DEFB119: variants seen among roughly 807,000 people sequenced by gnomAD.
The protein encoded by DEFB119 is defensin beta 119.
A neutral mutation model predicts 2.5 loss-of-function variants in DEFB119; 3 were observed. That is an observed-to-expected ratio of 1.19 (90% CI 0.54 to 3.07). The LOEUF (loss-of-function observed/expected upper bound fraction) is 3.07. DEFB119 is among the 30% of genes most tolerant of loss of function. The pLI is 0.03. For synonymous variants in DEFB119, 29 were observed against 33.7 expected (o/e 0.86, Z 0.48); for missense variants, 113 against 101.1 (o/e 1.12, Z -0.50).
At position 31,390,507 on chromosome 20, in the gene DEFB119, G is replaced by A. The variant is rs772324238; in HGVS notation, c.-24C>T. On this transcript the variant is annotated 5_prime_UTR_variant, in exon 1 of 2. Coordinates refer to ENST00000376321, the MANE Select transcript of DEFB119 (RefSeq NM_153289.4). ...ATGGCTGGCAGACCTGAGAGGAGGA[G>A]GTGGCTGAGCTGCAGGGGAAGGAAA... 160 of 1,611,806 alleles carry A rather than the reference G, an allele frequency of 9.9e-5. No homozygotes were observed. Among genetic ancestry groups the A allele is most frequent in the Non-Finnish European group, 1.3e-4 (159 of 1,179,234 alleles).
At chr20:31,379,873 G>C (rs1396142509) in intron 1 of DEFB119, among the ~76,000 whole-genome samples, 3 of 152,054 alleles carry the variant, frequency 2.0e-5, no homozygotes, top group Non-Finnish European at 4.4e-5. Context: ...CACCATGTTA[G>C]CCAGGATAGC....
At chr20:31,386,500 G>A (rs932330847) in intron 1 of DEFB119, among the ~76,000 whole-genome samples, 10 of 152,180 alleles carry the variant, frequency 6.6e-5, no homozygotes, top group Admixed American at 5.9e-4. Context: ...AAAGCATGAA[G>A]TTCTGTCATT....
intron 1 of DEFB119, among the ~76,000 whole-genome samples, chr20:31,387,750 G>T (rs1256898953): frequency 6.6e-6 from 1 of 152,160 alleles, no homozygotes; most frequent in Non-Finnish European, 1.5e-5. Flanking sequence ...CAGGCACAAG[G>T]TTTCTCTGGG....
At chr20:31,385,683 A>G (rs1010205686) in intron 1 of DEFB119, among the ~76,000 whole-genome samples, 1 of 152,144 alleles carries the variant, frequency 6.6e-6, no homozygotes, top group Admixed American at 6.6e-5. Context: ...ACTGGGCAAC[A>G]TAGTAAGACC....
At position 31,377,361 on chromosome 20, in the gene DEFB119, A is replaced by C. The variant is rs760492914; in HGVS notation, c.140T>G (p.Leu47Arg). Residue 47 changes from leucine to arginine, a missense_variant, in exon 2 of 2, where the codon CTC becomes CGC. Leu to Arg is a moderately radical substitution (Grantham distance 102). Coordinates refer to ENST00000376321, the MANE Select transcript of DEFB119 (RefSeq NM_153289.4). ...GCAGGACTGACAATTTCTGCAATAG[A>C]GGTAGGGCTGTTCGTTCTTTTTGCA... ...ASCKKNEQPY[L>R]YCRNCQSCCL... 5.6e-6 allele frequency: 9 copies of C among 1,614,064 alleles called. No individual in the cohort carries two copies. The highest frequency in any genetic ancestry group is 6.8e-6 in the Non-Finnish European group (8 of 1,180,034).
chr20:31,389,025 C>G, intron 1 of DEFB119: 1 of 1,613,706 alleles, frequency 6.2e-7, no homozygotes, highest in Non-Finnish European at 8.5e-7. Flanking sequence ...AAAGTCATTT[C>G]TATCTATTAG....
rs1044644850 is a variant in DEFB119, at chr20:31,390,338, T to TC, written c.61+84dup. On this transcript the variant is annotated intron_variant, in intron 1 of 1. Coordinates refer to ENST00000376321, the MANE Select transcript of DEFB119 (RefSeq NM_153289.4). ...AAGCTGCAGGAGAGAAGGAAAGGCT[T>TC]CAGATGATGCCCACAGTGAGAGGGA... The TC allele has an allele frequency of 3.1e-6, 4 of 1,286,678 alleles. No individual in the cohort carries two copies. In the Admixed American group the frequency reaches 7.3e-5, roughly 24 times the overall value. The allele number at this position is 1,286,678 out of a possible 1,614,324, so 79.7% of individuals were successfully genotyped here.
chr20:31,388,372 C>T, intron 1 of DEFB119: 7 of 933,104 alleles, frequency 7.5e-6, no homozygotes, highest in Non-Finnish European at 9.0e-6. Flanking sequence ...GAAATAGATT[C>T]TACAATTACT....
intron 1 of DEFB119, among the ~76,000 whole-genome samples, chr20:31,383,517 G>A (rs1986575516): frequency 8.8e-6 from 1 of 113,892 alleles, no homozygotes; most frequent in South Asian, 3.4e-4. Flanking sequence ...CTGGGCAACA[G>A]AACAAGACTC....
chr20:31,389,468 C>T (rs895828362), intron 1 of DEFB119, among the ~76,000 whole-genome samples: 11 of 152,042 alleles, frequency 7.2e-5, no homozygotes, highest in South Asian at 4.2e-4. Flanking sequence ...GACTTCTCAC[C>T]CTTCTGTCTT....
intron 1 of DEFB119, among the ~76,000 whole-genome samples, chr20:31,387,082 C>T (rs563118163): frequency 1.8e-4 from 27 of 152,162 alleles, no homozygotes; most frequent in Middle Eastern, 3.4e-3. Context: ...GCTGGGATTA[C>T]GGGGGTGAGC....
intron 1 of DEFB119, chr20:31,389,250 C>T: frequency 1.9e-6 from 3 of 1,613,790 alleles, no homozygotes; most frequent in Non-Finnish European, 2.5e-6. Flanking sequence ...ATATGAACAA[C>T]AATTAAGCAG....
intron 1 of DEFB119, among the ~76,000 whole-genome samples, chr20:31,381,803 A>C (rs759589591): frequency 1.3e-5 from 2 of 149,002 alleles, no homozygotes; most frequent in Non-Finnish European, 2.9e-5. Flanking sequence ...AGAGCCAGAC[A>C]CTGTCTCAAA....
chr20:31,388,943 C>A, intron 1 of DEFB119: 2 of 1,530,280 alleles, frequency 1.3e-6, no homozygotes, highest in Non-Finnish European at 1.8e-6. Flanking sequence ...AAGTATCATT[C>A]CTTATGATTG....
chr20:31,378,039 C>T (rs6058918), intron 1 of DEFB119, among the ~76,000 whole-genome samples: 113,992 of 152,064 alleles, frequency 0.75, 43,479 homozygotes, highest in Non-Finnish European at 0.83. Context: ...GAGTGGAACC[C>T]AAGTGGGGAG....
intron 1 of DEFB119, among the ~76,000 whole-genome samples, chr20:31,379,897 C>T (rs1986445993): frequency 2.6e-5 from 4 of 152,108 alleles, no homozygotes; most frequent in Admixed American, 1.3e-4. Flanking sequence ...GATTTCCTGA[C>T]CTCGTGATCT....
chr20:31,379,501 C>CT (rs10714744), intron 1 of DEFB119, among the ~76,000 whole-genome samples: 12,840 of 148,790 alleles, frequency 0.086, 1,227 homozygotes, highest in African/African-American at 0.24. Flanking sequence ...ACTGTTGAGT[C>CT]TTTTTTTTTT....
chr20:31,380,837 A>G (rs1393315127), intron 1 of DEFB119, among the ~76,000 whole-genome samples: 1 of 152,160 alleles, frequency 6.6e-6, no homozygotes. Flanking sequence ...CTATATAATA[A>G]GTCTTAAAAT....
intron 1 of DEFB119, among the ~76,000 whole-genome samples, chr20:31,385,264 GT>G (rs2122305016): frequency 6.7e-6 from 1 of 149,792 alleles, no homozygotes; most frequent in African/African-American, 2.5e-5. Context: ...CCTGAGAATT[GT>G]TCCTTTCTCA....
Sources: gnomAD v4.1 joint callset for allele counts (sites outside exome capture counted in the v4.1 genomes callset) on GRCh38, gnomAD v4.1.1 for gene constraint, MANE v1.5 for transcripts, NCBI Gene and HGNC (gene_info 2026-07-23, HGNC 2026-07-21) for gene names.